Variants in STK33 observed in about 807,000 individuals in gnomAD.
STK33 encodes the protein serine/threonine-protein kinase 33.
A neutral mutation model predicts 58.0 loss-of-function variants in STK33; 52 were observed. The ratio of observed to expected loss-of-function variants is 0.90; its 90% CI spans 0.72 to 1.13. The LOEUF (loss-of-function observed/expected upper bound fraction) is 1.13. Among genes scored for constraint, STK33 ranks in the 50% most tolerant of loss-of-function variants. STK33 has a pLI of 0.00. For synonymous variants in STK33, 215 were observed against 200.1 expected (o/e 1.07, Z -0.63); for missense variants, 630 against 604.2 (o/e 1.04, Z -0.45).
chr11:8,453,020 G>A (rs1946468905), intron 10 of STK33, 114 bp from the exon 11 acceptor site: 7 of 924,894 alleles, frequency 7.6e-6, no homozygotes, highest in Admixed American at 2.0e-5. Flanking sequence ...TTGGGGGTGG[G>A]AGGACTTTAA....
the STK33 span, among the ~76,000 whole-genome samples, chr11:8,337,007 C>T: frequency 6.6e-6 from 1 of 152,240 alleles, no homozygotes; most frequent in Admixed American, 6.5e-5. Flanking sequence ...CAGGCCCAGG[C>T]CTCAATCGTG....
intron 14 of STK33, among the ~76,000 whole-genome samples, chr11:8,433,381 C>G (rs576489147): frequency 1.3e-5 from 2 of 152,006 alleles, no homozygotes; most frequent in African/African-American, 4.8e-5. Flanking sequence ...TGTTTTAGTG[C>G]CTAAAGACAT....
chr11:8,549,858 T>C (rs12418359), intron 1 of STK33, among the ~76,000 whole-genome samples: 8,712 of 152,246 alleles, frequency 0.057, 447 homozygotes, highest in African/African-American at 0.15. Context: ...ATTTGGGTCT[T>C]CTCTCTTTTT....
chr11:8,428,537 C>T (rs1253956728), intron 14 of STK33, among the ~76,000 whole-genome samples: 3 of 152,170 alleles, frequency 2.0e-5, no homozygotes, highest in Non-Finnish European at 4.4e-5. Context: ...AGTATCTTGG[C>T]AGGAACCAGA....
intron 8 of STK33, among the ~76,000 whole-genome samples, chr11:8,461,537 TGG>T (rs1947522603): frequency 6.6e-6 from 1 of 152,210 alleles, no homozygotes; most frequent in Admixed American, 6.5e-5. Flanking sequence ...AATCACCATT[TGG>T]TTGTGTATGA....
At chr11:8,358,879 CA>C in the STK33 span, among the ~76,000 whole-genome samples, 7 of 152,308 alleles carry the variant, frequency 4.6e-5, no homozygotes, top group East Asian at 1.3e-3. Context: ...AATAAATTTA[CA>C]GTGGAGAGAA....
At chr11:8,368,754 T>G in the STK33 span, among the ~76,000 whole-genome samples, 1 of 152,048 alleles carries the variant, frequency 6.6e-6, no homozygotes, top group Non-Finnish European at 1.5e-5. Context: ...CAAAGTGACT[T>G]CCCATTAATC....
intron 8 of STK33, among the ~76,000 whole-genome samples, chr11:8,457,955 C>T (rs966576403): frequency 7.2e-5 from 11 of 152,058 alleles, no homozygotes; most frequent in African/African-American, 2.7e-4. Flanking sequence ...GGGTGGAGAA[C>T]AATGAAGTGG....
intron 15 of STK33, among the ~76,000 whole-genome samples, chr11:8,406,161 AAAAAAAAAT>A (rs1939160276): frequency 7.1e-6 from 1 of 140,596 alleles, no homozygotes; most frequent in Non-Finnish European, 1.6e-5. Flanking sequence ...AAAAAAAAAA[AAAAAAAAAT>A]CAACTGACTG....
the STK33 span, among the ~76,000 whole-genome samples, chr11:8,335,125 G>C: frequency 6.6e-6 from 1 of 152,214 alleles, no homozygotes; most frequent in South Asian, 2.1e-4. Flanking sequence ...CCTTTGGGGT[G>C]GAGACCGCAG....
intron 1 of STK33, among the ~76,000 whole-genome samples, chr11:8,523,380 T>C (rs1176216873): frequency 6.9e-6 from 1 of 144,172 alleles, no homozygotes; most frequent in Non-Finnish European, 1.5e-5. Context: ...TCGTCTGGGA[T>C]GTGGGAAGCG....
intron 1 of STK33, among the ~76,000 whole-genome samples, chr11:8,564,188 T>C (rs1030468913): frequency 6.6e-6 from 1 of 152,224 alleles, no homozygotes; most frequent in East Asian, 1.9e-4. Context: ...AGAAGATGGA[T>C]GCTAACAGGT....
chr11:8,378,690 T>G, the STK33 span, among the ~76,000 whole-genome samples: 10 of 152,060 alleles, frequency 6.6e-5, no homozygotes, highest in Non-Finnish European at 1.5e-4. Flanking sequence ...GAGGTTTGAG[T>G]GGGGACACAG....
At chr11:8,387,682 T>G (rs143159414), downstream of STK33, among the ~76,000 whole-genome samples, 3 of 152,178 alleles carry the variant, frequency 2.0e-5, no homozygotes, top group African/African-American at 7.2e-5. Context: ...AGACTTTGAT[T>G]CTAGTAACTA....
intron 10 of STK33, among the ~76,000 whole-genome samples, chr11:8,453,865 T>C (rs1443526535): frequency 6.6e-6 from 1 of 152,234 alleles, no homozygotes; most frequent in African/African-American, 2.4e-5. Flanking sequence ...TTGGAGCATA[T>C]GATACCTATC....
At chr11:8,488,036 C>T (rs1320911095) in intron 1 of STK33, among the ~76,000 whole-genome samples, 1 of 152,138 alleles carries the variant, frequency 6.6e-6, no homozygotes, top group African/African-American at 2.4e-5. Context: ...TTAACAGCTA[C>T]TGGAGAAAGG....
chr11:8,395,202 C>G (rs1447949907), intron 15 of STK33, among the ~76,000 whole-genome samples: 1 of 152,148 alleles, frequency 6.6e-6, no homozygotes, highest in Non-Finnish European at 1.5e-5. Context: ...AATTGTAGCT[C>G]CCATAATTCC....
intron 1 of STK33, among the ~76,000 whole-genome samples, chr11:8,517,522 C>T (rs12226069): frequency 0.26 from 39,521 of 152,070 alleles, 5,289 homozygotes; most frequent in African/African-American, 0.31. Flanking sequence ...TTCAGACGAT[C>T]GGTAATAACA....
chr11:8,565,135 A>T (rs1336409243), intron 1 of STK33, among the ~76,000 whole-genome samples: 1 of 152,118 alleles, frequency 6.6e-6, no homozygotes, highest in Non-Finnish European at 1.5e-5. Flanking sequence ...TAGTAAGATA[A>T]TTAGTGGATT....
Sources: gnomAD v4.1 joint callset for allele counts (sites outside exome capture counted in the v4.1 genomes callset) on GRCh38, gnomAD v4.1.1 for gene constraint, MANE v1.5 for transcripts, NCBI Gene and HGNC (gene_info 2026-07-23, HGNC 2026-07-21) for gene names.